POFUT3: variants seen among roughly 807,000 people sequenced by gnomAD.
POFUT3 encodes the protein GDP-fucose protein O-fucosyltransferase 3.
the POFUT3 span, chr8:33,370,908 C>G: frequency 6.6e-6 from 1 of 152,152 alleles, no homozygotes; most frequent in East Asian, 1.9e-4. Context: ...AATAAAATGG[C>G]AGAGAGAGAA....
chr8:33,391,138 G>C, the POFUT3 span, among the ~76,000 whole-genome samples: 1 of 152,064 alleles, frequency 6.6e-6, no homozygotes, highest in African/African-American at 2.4e-5. Context: ...AACATTTTCT[G>C]GCAGAGCTCA....
At chr8:33,379,867 T>A in the POFUT3 span, among the ~76,000 whole-genome samples, 149 of 125,126 alleles carry the variant, frequency 1.2e-3, 1 homozygote, top group African/African-American at 4.5e-3. Context: ...ATATATATAA[T>A]ATATATATAC....
chr8:33,461,502 T>C, the POFUT3 span: 1 of 1,612,504 alleles, frequency 6.2e-7, no homozygotes, highest in Middle Eastern at 1.7e-4. Context: ...TTACCAGGTG[T>C]TCTCTCGTCA....
At chr8:33,369,338 T>A in the POFUT3 span, among the ~76,000 whole-genome samples, 1 of 152,180 alleles carries the variant, frequency 6.6e-6, no homozygotes, top group Non-Finnish European at 1.5e-5. Flanking sequence ...TCATTCTATA[T>A]CCCCTTTGAG....
the POFUT3 span, among the ~76,000 whole-genome samples, chr8:33,422,562 A>AC: frequency 1.4e-5 from 2 of 148,110 alleles, no homozygotes; most frequent in Non-Finnish European, 3.0e-5. Flanking sequence ...AAAAAAAAAA[A>AC]AAAAAAAAAA....
the POFUT3 span, among the ~76,000 whole-genome samples, chr8:33,318,491 C>A: frequency 0.41 from 47,401 of 115,792 alleles, 11,211 homozygotes; most frequent in East Asian, 0.79. Context: ...ATATAATGTA[C>A]ATATATTATA....
the POFUT3 span, among the ~76,000 whole-genome samples, chr8:33,455,546 T>C: frequency 6.6e-6 from 1 of 152,188 alleles, no homozygotes; most frequent in African/African-American, 2.4e-5. Flanking sequence ...AGATTTGGTA[T>C]TAATATAATT....
At chr8:33,328,509 G>A in the POFUT3 span, among the ~76,000 whole-genome samples, 1 of 152,140 alleles carries the variant, frequency 6.6e-6, no homozygotes, top group African/African-American at 2.4e-5. Context: ...ATTCCACGGG[G>A]CACTCTGGAC....
chr8:33,379,416 T>C, the POFUT3 span, among the ~76,000 whole-genome samples: 1 of 148,388 alleles, frequency 6.7e-6, no homozygotes, highest in Non-Finnish European at 1.5e-5. Context: ...ATGAAACACA[T>C]AAAAAGAGAA....
chr8:33,446,966 T>C, the POFUT3 span, among the ~76,000 whole-genome samples: 1 of 152,128 alleles, frequency 6.6e-6, no homozygotes, highest in Non-Finnish European at 1.5e-5. Context: ...CACTGAGAAA[T>C]CCCGAAGCAT....
At chr8:33,359,040 AT>A in the POFUT3 span, among the ~76,000 whole-genome samples, 4 of 152,164 alleles carry the variant, frequency 2.6e-5, no homozygotes, top group African/African-American at 9.7e-5. Flanking sequence ...AGTATATGAC[AT>A]TTTGTTATAG....
chr8:33,418,312 A>G, the POFUT3 span, among the ~76,000 whole-genome samples: 2 of 152,296 alleles, frequency 1.3e-5, no homozygotes, highest in South Asian at 4.1e-4. Flanking sequence ...AATGCAAATC[A>G]AAACCACAAT....
At chr8:33,408,911 C>T in the POFUT3 span, among the ~76,000 whole-genome samples, 29 of 152,110 alleles carry the variant, frequency 1.9e-4, no homozygotes, top group South Asian at 2.1e-3. Context: ...ACCAACTGCA[C>T]ACTTAAAATG....
chr8:33,441,376 G>T, the POFUT3 span, among the ~76,000 whole-genome samples: 5 of 133,372 alleles, frequency 3.7e-5, no homozygotes, highest in South Asian at 2.3e-4. Flanking sequence ...ATTTTTTCCT[G>T]CCTTTTTTTT....
chr8:33,396,768 A>G, the POFUT3 span, among the ~76,000 whole-genome samples: 7 of 152,242 alleles, frequency 4.6e-5, no homozygotes. Context: ...GACCCAGGTA[A>G]CCACAAAGAA....
At chr8:33,393,438 A>T in the POFUT3 span, among the ~76,000 whole-genome samples, 2 of 152,230 alleles carry the variant, frequency 1.3e-5, no homozygotes. Flanking sequence ...ATACAAATGG[A>T]ATAAAACGAA....
the POFUT3 span, chr8:33,389,828 T>G: frequency 6.8e-7 from 1 of 1,461,418 alleles, no homozygotes; most frequent in Non-Finnish European, 9.5e-7. Flanking sequence ...TATTAATTAG[T>G]ATTTCCAAAA....
chr8:33,396,919 T>C, the POFUT3 span, among the ~76,000 whole-genome samples: 1 of 152,208 alleles, frequency 6.6e-6, no homozygotes, highest in African/African-American at 2.4e-5. Context: ...AAGATTTTAC[T>C]ACAGAGCCTT....
At chr8:33,389,128 G>C in the POFUT3 span, 5 of 1,614,142 alleles carry the variant, frequency 3.1e-6, no homozygotes, top group Non-Finnish European at 4.2e-6. Flanking sequence ...ATTCTACATA[G>C]GCCTCATACA....
Sources: allele counts gnomAD v4.1 joint callset (sites outside exome capture counted in the v4.1 genomes callset), GRCh38; gene constraint gnomAD v4.1.1; transcripts MANE v1.5; gene names NCBI Gene and HGNC (gene_info 2026-07-23, HGNC 2026-07-21).